The following ADAMTS3 variants were observed in gnomAD, a reference collection of about 807,000 sequenced individuals.
ADAMTS3 encodes ADAM metallopeptidase with thrombospondin type 1 motif 3.
ADAMTS3 carries 73 observed loss-of-function variants against 129.0 expected under a neutral mutation model. The observed-to-expected ratio is 0.57, with a 90% confidence interval of 0.47 to 0.69. ADAMTS3 has a LOEUF of 0.69. ADAMTS3 is among the 30% of genes least tolerant of loss of function. ADAMTS3 has a pLI of 0.00. For synonymous variants in ADAMTS3, 477 were observed against 510.8 expected (o/e 0.93, Z 0.89); for missense variants, 1,457 against 1,514.5 (o/e 0.96, Z 0.63).
chr4:72,300,752 G>A (rs966407916), intron 17 of ADAMTS3, among the ~76,000 whole-genome samples: 1 of 152,116 alleles, frequency 6.6e-6, no homozygotes, highest in African/African-American at 2.4e-5. Context: ...TTGCTGTAGT[G>A]GAAGTCAGTG....
At chr4:72,515,500 G>T (rs1319954444) in intron 3 of ADAMTS3, among the ~76,000 whole-genome samples, 2 of 149,594 alleles carry the variant, frequency 1.3e-5, no homozygotes, top group Non-Finnish European at 1.5e-5. Context: ...AGCACCTGTT[G>T]TTTCCTGACT....
chr4:72,444,961 C>T lies in ADAMTS3; in HGVS notation c.505-29990G>A, dbSNP rs72852078. On this transcript the variant is annotated intron_variant, in intron 3 of 21. Transcript: ENST00000286657. ...CCAGTAGCAAAACCCACATATTGTA[C>T]GCATCTATTTATACAAATTGTCTAG... 7.5e-3 allele frequency among the ~76,000 whole-genome samples: 1,142 copies of T among 151,628 alleles called. 26 individuals carry two copies. Among genetic ancestry groups the T allele is most frequent in the African/African-American group, 0.026 (1,080 of 41,438 alleles).
At chr4:72,508,645 C>T (rs961859858) in intron 3 of ADAMTS3, among the ~76,000 whole-genome samples, 2 of 151,974 alleles carry the variant, frequency 1.3e-5, no homozygotes, top group African/African-American at 4.8e-5. Context: ...TCAGTCATAG[C>T]TATTCATTAT....
chr4:72,536,284 C>A (rs972046394), intron 3 of ADAMTS3, among the ~76,000 whole-genome samples: 4 of 152,064 alleles, frequency 2.6e-5, no homozygotes, highest in African/African-American at 7.2e-5. Context: ...ATTAGAGTAA[C>A]CCTCAGGGAA....
chr4:72,449,086 C>A (rs892524011), intron 3 of ADAMTS3, among the ~76,000 whole-genome samples: 1 of 151,690 alleles, frequency 6.6e-6, no homozygotes, highest in Non-Finnish European at 1.5e-5. Flanking sequence ...CCCCAGCTTA[C>A]TGACTCTTTC....
chr4:72,392,719 G>A (rs528755703), intron 4 of ADAMTS3, among the ~76,000 whole-genome samples: 10 of 152,022 alleles, frequency 6.6e-5, no homozygotes, highest in Non-Finnish European at 1.2e-4. Context: ...AGAAGCCAAG[G>A]GGATAGGGGA....
intron 3 of ADAMTS3, among the ~76,000 whole-genome samples, chr4:72,536,330 G>A (rs926686116): frequency 6.6e-6 from 1 of 152,220 alleles, no homozygotes; most frequent in Non-Finnish European, 1.5e-5. Context: ...ACGTAGAAAA[G>A]GTTATCTTAA....
At chr4:72,454,062 T>C (rs1718479632) in intron 3 of ADAMTS3, among the ~76,000 whole-genome samples, 1 of 151,282 alleles carries the variant, frequency 6.6e-6, no homozygotes, top group African/African-American at 2.4e-5. Context: ...TGAGTAAAAA[T>C]AATATTTTAT....
chr4:72,455,921 A>G (rs1426394541), intron 3 of ADAMTS3, among the ~76,000 whole-genome samples: 1 of 114,486 alleles, frequency 8.7e-6, no homozygotes, highest in African/African-American at 3.4e-5. Flanking sequence ...TATATATACT[A>G]TATATATTTT....
chr4:72,318,460 T>G (rs1476222579), intron 10 of ADAMTS3, 112 bp downstream of exon 10: 2 of 1,153,818 alleles, frequency 1.7e-6, no homozygotes. Flanking sequence ...GAACACAAAA[T>G]AACTGCTAGA....
chr4:72,339,593 G>A lies in ADAMTS3; in HGVS notation c.762C>T (p.Asn254=), dbSNP rs779220676. ...TMRRRRHAGE[N]DYNIEVLLGV... ...CCAGCAGTACCTCGATATTGTAATC[G>A]TTTTCTCCCGCGTGTCTGCGGCGTC... The change falls in exon 5 of 22, where the codon AAC becomes AAT. Residue 254 remains asparagine, a synonymous_variant. Transcript: ENST00000286657. The A allele has an allele frequency of 1.9e-5, 30 of 1,613,786 alleles. No homozygotes were observed. The highest frequency in any genetic ancestry group is 7.7e-5 in the South Asian group (7 of 91,082).
chr4:72,436,740 G>A (rs1328935654), intron 3 of ADAMTS3, among the ~76,000 whole-genome samples: 6 of 151,882 alleles, frequency 4.0e-5, no homozygotes, highest in Non-Finnish European at 2.9e-5. Flanking sequence ...ATCATTCTCA[G>A]CAAACTATCG....
chr4:72,548,515 G>A lies in ADAMTS3; in HGVS notation c.467C>T (p.Pro156Leu). ...GTTGCTGATGGCAACAGAGGTTCCT[G>A]GAATGTCCACGATGTCACCAACATA... The part of the protein sequence containing the change: ...CAYVGDIVDI[P>L]GTSVAISNCD... Residue 156 changes from proline (P) to leucine (L), a missense_variant, in exon 3 of 22, where the codon CCA becomes CTA. Transcript: ENST00000286657. 6.2e-7 allele frequency: 1 copy of A among 1,613,838 alleles called. No individual in the cohort carries two copies. Among genetic ancestry groups the A allele is most frequent in the Non-Finnish European group, 8.5e-7 (1 of 1,179,820 alleles).
intron 13 of ADAMTS3, among the ~76,000 whole-genome samples, chr4:72,311,629 T>G (rs1719238661): frequency 6.6e-6 from 1 of 152,152 alleles, no homozygotes; most frequent in African/African-American, 2.4e-5. Flanking sequence ...AACAATGCAT[T>G]TCTTCTTAAT....
chr4:72,515,344 T>C (rs1309620950), intron 3 of ADAMTS3, among the ~76,000 whole-genome samples: 1 of 151,596 alleles, frequency 6.6e-6, no homozygotes. Flanking sequence ...CCTTTGGGTA[T>C]ATACCCAGTA....
chr4:72,445,257 T>C (rs2109964294), intron 3 of ADAMTS3, among the ~76,000 whole-genome samples: 1 of 151,826 alleles, frequency 6.6e-6, no homozygotes, highest in Non-Finnish European at 1.5e-5. Flanking sequence ...GGGATCTACT[T>C]TGTATATAAA....
intron 5 of ADAMTS3, among the ~76,000 whole-genome samples, chr4:72,326,507 G>T (rs1719702899): frequency 6.6e-6 from 1 of 151,954 alleles, no homozygotes; most frequent in Non-Finnish European, 1.5e-5. Flanking sequence ...TTCCCAGTTT[G>T]GCCACGGATA....
intron 3 of ADAMTS3, among the ~76,000 whole-genome samples, chr4:72,491,291 T>C (rs1475595270): frequency 1.3e-5 from 2 of 151,774 alleles, no homozygotes; most frequent in African/African-American, 4.8e-5. Context: ...TTCTTCTTTT[T>C]GTTTTTTTCT....
chr4:72,368,891 C>T (rs1430361945), intron 4 of ADAMTS3, among the ~76,000 whole-genome samples: 2 of 152,136 alleles, frequency 1.3e-5, no homozygotes, highest in African/African-American at 2.4e-5. Context: ...TTATTTCCCC[C>T]CTTTTGCAGA....
Sources: allele counts gnomAD v4.1 joint callset (sites outside exome capture counted in the v4.1 genomes callset), GRCh38; gene constraint gnomAD v4.1.1; transcripts MANE v1.5; gene names NCBI Gene and HGNC (gene_info 2026-07-23, HGNC 2026-07-21).